The following CRY1 variants were observed in gnomAD, a reference collection of about 807,000 sequenced individuals.
The protein encoded by CRY1 is cryptochrome circadian regulator 1.
In CRY1, 45 loss-of-function variants were observed where a neutral mutation model predicts 76.0. The ratio of observed to expected loss-of-function variants is 0.59; its 90% CI spans 0.47 to 0.76. The LOEUF is 0.76. Among genes scored for constraint, CRY1 ranks in the 30% least tolerant of loss-of-function variants. The probability of loss-of-function intolerance (pLI) is 0.00; values close to 1 mark genes in which losing one functional copy is unlikely to be tolerated. For missense variants in CRY1, 587 were observed against 716.4 expected (o/e 0.82, Z 2.06); for synonymous variants, 248 against 244.0 (o/e 1.02, Z -0.15).
chr12:107,008,355 T>C (rs1815181726), intron 2 of CRY1, among the ~76,000 whole-genome samples: 2 of 152,182 alleles, frequency 1.3e-5, no homozygotes, highest in South Asian at 4.1e-4. Flanking sequence ...ATAATTCTAA[T>C]TATATGACAG....
intron 1 of CRY1, among the ~76,000 whole-genome samples, chr12:107,070,888 T>G (rs963166401): frequency 6.9e-6 from 1 of 145,636 alleles, no homozygotes; most frequent in Non-Finnish European, 1.5e-5. Flanking sequence ...TTTTTTTTAG[T>G]AGAGACAGGG....
At chr12:107,091,417 T>C (rs1953470661) in intron 1 of CRY1, among the ~76,000 whole-genome samples, 1 of 152,170 alleles carries the variant, frequency 6.6e-6, no homozygotes, top group South Asian at 2.1e-4. Context: ...CATCTGTTTA[T>C]TTCTCACCAC....
chr12:107,026,160 T>TATATATATATATGAAATATATATATAAA (rs1166056898), intron 1 of CRY1, among the ~76,000 whole-genome samples: 1 of 75,910 alleles, frequency 1.3e-5, no homozygotes, highest in Non-Finnish European at 2.2e-5. Flanking sequence ...ATATATAAAA[T>TATATATATATATGAAATATATATATAAA]ATATATATAT....
chr12:107,018,796 C>T (rs192442638), intron 2 of CRY1, among the ~76,000 whole-genome samples: 258 of 152,038 alleles, frequency 1.7e-3, no homozygotes, highest in African/African-American at 5.6e-3. Flanking sequence ...AAGTAAAAAA[C>T]GCCAGAAAAA....
chr12:107,018,990 A>C (rs1429847757), intron 2 of CRY1, among the ~76,000 whole-genome samples: 1 of 152,200 alleles, frequency 6.6e-6, no homozygotes, highest in Non-Finnish European at 1.5e-5. Context: ...AACTAAGGGT[A>C]CTGTTACCAG....
intron 7 of CRY1, 61 bp from the exon 8 acceptor site, chr12:106,998,127 C>A: frequency 1.3e-6 from 2 of 1,591,860 alleles, no homozygotes; most frequent in East Asian, 4.5e-5. Flanking sequence ...CAAGCATTTT[C>A]AAGGTCACAG....
chr12:107,050,974 G>GA (rs1487734170), intron 1 of CRY1, among the ~76,000 whole-genome samples: 5 of 151,920 alleles, frequency 3.3e-5, no homozygotes, highest in African/African-American at 1.2e-4. Context: ...GAGAGCTCTA[G>GA]AAAAAAGAAA....
At chr12:106,998,687 C>CAT (rs1305463319) in intron 7 of CRY1, among the ~76,000 whole-genome samples, 1 of 151,450 alleles carries the variant, frequency 6.6e-6, no homozygotes, top group Non-Finnish European at 1.5e-5. Context: ...CACACACACA[C>CAT]ACACAAGCTC....
chr12:107,093,435 C>G lies in CRY1; in HGVS notation c.-474G>C, dbSNP rs1953500831. 1 of 153,896 alleles carries G rather than the reference C, an allele frequency of 6.5e-6. No homozygotes were observed. The highest frequency in any genetic ancestry group is 6.5e-5 in the Admixed American group (1 of 15,378). The allele number at this position is 153,896 out of a possible 1,614,324, so 9.5% of individuals were successfully genotyped here. A position where few individuals can be genotyped will look rare whatever the true frequency, so the allele number is the denominator to read the frequency against. On this transcript the variant is annotated 5_prime_UTR_variant, in exon 1 of 13. Coordinates refer to ENST00000008527, the MANE Select transcript of CRY1 (RefSeq NM_004075.5). ...CCGGAGGGGAATGAGCCCCTGTCGGCGACGCTGTCTCTCGGCCCGGGAGAA... is the reference window on the plus strand; with the variant it reads ...CCGGAGGGGAATGAGCCCCTGTCGGGGACGCTGTCTCTCGGCCCGGGAGAA...
intron 10 of CRY1, among the ~76,000 whole-genome samples, 198 bp downstream of exon 10, chr12:106,997,096 A>G (rs1952240614): frequency 6.6e-6 from 1 of 152,174 alleles, no homozygotes; most frequent in Non-Finnish European, 1.5e-5. Context: ...ATACGTAATG[A>G]TATTTTCCAT....
At chr12:107,002,066 G>T in intron 3 of CRY1, 118 bp from the exon 4 acceptor site, 1 of 772,450 alleles carries the variant, frequency 1.3e-6, no homozygotes, top group Non-Finnish European at 2.0e-6. Flanking sequence ...GTCTTTGAGG[G>T]TGTTAGCTTG....
intron 1 of CRY1, among the ~76,000 whole-genome samples, chr12:107,030,305 G>A (rs966358845): frequency 1.3e-5 from 2 of 152,042 alleles, no homozygotes; most frequent in East Asian, 1.9e-4. Context: ...AAAAATGATG[G>A]AATCTGAAAC....
chr12:107,005,352 A>G, intron 2 of CRY1, 104 bp from the exon 3 acceptor site: 1 of 1,228,658 alleles, frequency 8.1e-7, no homozygotes, highest in East Asian at 2.4e-5. Flanking sequence ...AAAGGATTAT[A>G]CATAAATCAA....
At chr12:107,040,466 A>T (rs1273718980) in intron 1 of CRY1, among the ~76,000 whole-genome samples, 2 of 151,614 alleles carry the variant, frequency 1.3e-5, no homozygotes, top group Non-Finnish European at 2.9e-5. Context: ...TTGTATATTT[A>T]GTAGAGATGG....
At chr12:107,088,124 T>C (rs942795142) in intron 1 of CRY1, among the ~76,000 whole-genome samples, 1 of 152,210 alleles carries the variant, frequency 6.6e-6, no homozygotes, top group African/African-American at 2.4e-5. Flanking sequence ...TATTTGTCCT[T>C]TTCAAATCTC....
intron 5 of CRY1, 54 bp from the exon 6 acceptor site, chr12:107,000,136 G>T (rs1952289751): frequency 2.0e-6 from 3 of 1,504,944 alleles, no homozygotes; most frequent in African/African-American, 2.8e-5. Context: ...CATTTTAAAA[G>T]AACACTCAGA....
intron 1 of CRY1, among the ~76,000 whole-genome samples, chr12:107,023,074 C>T (rs948143070): frequency 1.3e-5 from 2 of 152,118 alleles, no homozygotes; most frequent in Non-Finnish European, 2.9e-5. Context: ...TTATTTGACT[C>T]ATGTTAAGTT....
intron 1 of CRY1, chr12:107,043,013 G>A (rs1593521303): frequency 6.6e-6 from 1 of 152,230 alleles, no homozygotes; most frequent in African/African-American, 2.4e-5. Flanking sequence ...ACACCCTGCA[G>A]CTACAGGGCT....
At chr12:107,074,421 T>C (rs956740568) in intron 1 of CRY1, among the ~76,000 whole-genome samples, 3 of 152,214 alleles carry the variant, frequency 2.0e-5, no homozygotes, top group Non-Finnish European at 2.9e-5. Flanking sequence ...TAATTTGTTG[T>C]TGCTGTTGCT....
Sources: allele counts gnomAD v4.1 joint callset (sites outside exome capture counted in the v4.1 genomes callset), GRCh38; gene constraint gnomAD v4.1.1; transcripts MANE v1.5; gene names NCBI Gene and HGNC (gene_info 2026-07-23, HGNC 2026-07-21).